The following NHSL2 variants were observed in gnomAD, a reference collection of about 807,000 sequenced individuals.
The protein encoded by NHSL2 is NHS like 2, also known as NHS-like protein 2.
In NHSL2, 27 loss-of-function variants were observed where a neutral mutation model predicts 53.4. The observed-to-expected ratio is 0.51, with a 90% confidence interval of 0.37 to 0.70. NHSL2 has a LOEUF of 0.70. NHSL2 is among the 30% of genes least tolerant of loss of function. NHSL2 has a pLI of 0.00. For synonymous variants in NHSL2, 408 were observed against 404.1 expected (o/e 1.01, Z -0.12); for missense variants, 892 against 980.1 (o/e 0.91, Z 1.20).
intron 1 of NHSL2, among the ~76,000 whole-genome samples, chrX:72,111,296 C>T (rs1392526025): frequency 8.9e-6 from 1 of 112,610 alleles, no homozygotes; most frequent in African/African-American, 3.2e-5. Flanking sequence ...AGACAGCTAA[C>T]TGGGCGGAGG....
intron 1 of NHSL2, among the ~76,000 whole-genome samples, chrX:72,055,345 G>A (rs1602335423): frequency 8.9e-6 from 1 of 112,204 alleles, no homozygotes; most frequent in Admixed American, 9.4e-5. Context: ...ATTACTTTGC[G>A]TGTTTGGAAG....
chrX:71,983,892 A>T (rs1397396983), intron 1 of NHSL2, among the ~76,000 whole-genome samples: 1 of 111,449 alleles, frequency 9.0e-6, no homozygotes, highest in East Asian at 2.8e-4. Flanking sequence ...CAGCTTCTTT[A>T]CTACAGCCTG....
intron 1 of NHSL2, among the ~76,000 whole-genome samples, chrX:72,125,446 C>G (rs2042215992): frequency 9.0e-6 from 1 of 111,237 alleles, no homozygotes; most frequent in Admixed American, 9.5e-5. Flanking sequence ...TGTGCTGGGC[C>G]CCAGGGACTC....
intron 1 of NHSL2, among the ~76,000 whole-genome samples, chrX:71,934,282 A>G (rs1005241352): frequency 1.8e-5 from 2 of 112,241 alleles, no homozygotes; most frequent in Non-Finnish European, 3.8e-5. Context: ...TACTTCACTC[A>G]GCCAGCTCCC....
At chrX:71,922,496 G>T (rs1344131643) in intron 1 of NHSL2, among the ~76,000 whole-genome samples, 1 of 112,159 alleles carries the variant, frequency 8.9e-6, no homozygotes, top group Non-Finnish European at 1.9e-5. Flanking sequence ...ACTGTACATC[G>T]AGGATGATAA....
At chrX:71,958,450 A>C (rs1939404498) in intron 1 of NHSL2, among the ~76,000 whole-genome samples, 2 of 111,961 alleles carry the variant, frequency 1.8e-5, no homozygotes, top group African/African-American at 6.5e-5. Context: ...AAGGCCATGC[A>C]GGGAACAATA....
intron 1 of NHSL2, among the ~76,000 whole-genome samples, chrX:72,125,632 C>A (rs751832640): frequency 5.1e-4 from 57 of 112,049 alleles, no homozygotes; most frequent in African/African-American, 1.8e-3. Context: ...TTTTTTTCCA[C>A]CTTCTCTGGC....
intron 1 of NHSL2, among the ~76,000 whole-genome samples, chrX:71,974,931 T>A (rs1291691109): frequency 8.9e-6 from 1 of 112,105 alleles, no homozygotes; most frequent in Non-Finnish European, 1.9e-5. Context: ...ATCCCCACCA[T>A]TTTATCAATG....
intron 1 of NHSL2, among the ~76,000 whole-genome samples, chrX:72,087,689 G>T (rs1027349368): frequency 9.0e-5 from 10 of 110,715 alleles, no homozygotes; most frequent in Non-Finnish European, 1.7e-4. Flanking sequence ...GGCCAACATG[G>T]TGAAACCCCA....
At chrX:72,005,528 G>C (rs2042090721) in intron 1 of NHSL2, among the ~76,000 whole-genome samples, 3 of 112,038 alleles carry the variant, frequency 2.7e-5, no homozygotes, top group Non-Finnish European at 5.6e-5. Flanking sequence ...TGAACAACCA[G>C]AGATGCCTCT....
rs1261317408 is a variant in NHSL2 at position 72,140,180 on chromosome X, G to T, written c.2632G>T (p.Ala878Ser). Reference protein sequence around the residue: ...KPPVAEKPPVARRPPSLVHKP... With the variant: ...KPPVAEKPPVSRRPPSLVHKP... ...TCCCGTAGCTGAGAAGCCTCCGGTG[G>T]CCCGGAGGCCTCCAAGCTTGGTCCA... is the stretch of plus-strand genomic sequence containing the variant. Residue 878 changes from alanine to serine, a missense_variant, in exon 6 of 8, where the codon GCC (alanine) becomes TCC (serine). Coordinates refer to ENST00000633930, the MANE Select transcript of NHSL2 (RefSeq NM_001013627.3). 1 of 1,209,009 alleles carries T rather than the reference G, an allele frequency of 8.3e-7. No individual in the cohort carries two copies. The highest frequency in any genetic ancestry group is 3.0e-5 in the East Asian group (1 of 33,803).
rs971790141 is a variant in NHSL2, at chrX:72,149,810, T to C, written c.*6236T>C. The stretch of plus-strand genomic sequence containing the variant: ...TGTTGTATTTATCTTATTTCTATAT[T>C]TATCTGCAGTCTTGGAATGTTAGAG... On this transcript the variant is annotated 3_prime_UTR_variant, in exon 8 of 8. Transcript: ENST00000633930. The C allele has an allele frequency of 2.7e-5, 3 of 112,358 alleles. No homozygotes were observed. The highest frequency in any genetic ancestry group is 1.9e-4 in the Admixed American group (2 of 10,583). 9.3% of individuals were successfully genotyped at this position (112,358 alleles called of 1,213,427 possible).
At chrX:72,074,704 A>G (rs1299704778) in intron 1 of NHSL2, among the ~76,000 whole-genome samples, 4 of 113,103 alleles carry the variant, frequency 3.5e-5, no homozygotes, top group Non-Finnish European at 7.5e-5. Context: ...ATGGTAGACC[A>G]TGAAAGCTAA....
At chrX:72,010,272 CG>C (rs2042110322) in intron 1 of NHSL2, among the ~76,000 whole-genome samples, 1 of 112,020 alleles carries the variant, frequency 8.9e-6, no homozygotes, top group Non-Finnish European at 1.9e-5. Flanking sequence ...TTGAGGCTCA[CG>C]GGCAGGGGAC....
chrX:71,961,797 T>C (rs1267544687), intron 1 of NHSL2, among the ~76,000 whole-genome samples: 1 of 111,410 alleles, frequency 9.0e-6, no homozygotes, highest in Non-Finnish European at 1.9e-5. Context: ...GCCTCCCGAG[T>C]AGCTGAGATT....
At chrX:71,981,130 A>G (rs1032200156) in intron 1 of NHSL2, among the ~76,000 whole-genome samples, 1 of 112,640 alleles carries the variant, frequency 8.9e-6, no homozygotes, top group East Asian at 2.8e-4. Context: ...TCTTAGATAT[A>G]ACACCAAAGG....
intron 1 of NHSL2, among the ~76,000 whole-genome samples, chrX:72,022,661 A>G (rs1306200884): frequency 8.9e-6 from 1 of 111,732 alleles, no homozygotes; most frequent in Non-Finnish European, 1.9e-5. Context: ...GTACCATCTC[A>G]CTGGGGAGTA....
chrX:72,143,926 G>A lies in NHSL2; in HGVS notation c.*352G>A, dbSNP rs1020952329. The A allele has an allele frequency of 1.4e-5, 2 of 145,885 alleles. No homozygotes were observed. Among genetic ancestry groups the A allele is most frequent in the African/African-American group, 6.3e-5 (2 of 31,574 alleles). 12.0% of individuals were successfully genotyped at this position (145,885 alleles called of 1,213,427 possible). ...CCCGGCTGCTCCATCCCTGGCTCCTGTCACTGAGGAGTGCAGTGTGAGAGC... is the reference window on the plus strand; with the variant it reads ...CCCGGCTGCTCCATCCCTGGCTCCTATCACTGAGGAGTGCAGTGTGAGAGC... On this transcript the variant is annotated 3_prime_UTR_variant, in exon 8 of 8. Coordinates refer to ENST00000633930, the MANE Select transcript of NHSL2 (RefSeq NM_001013627.3).
intron 1 of NHSL2, chrX:72,131,184 G>T (rs1027597241): frequency 2.5e-6 from 3 of 1,182,516 alleles, no homozygotes; most frequent in African/African-American, 3.6e-5. Flanking sequence ...GCAGAGGGGG[G>T]TCAGCGGGCC....
Sources: allele counts gnomAD v4.1 joint callset (sites outside exome capture counted in the v4.1 genomes callset), GRCh38; gene constraint gnomAD v4.1.1; transcripts MANE v1.5; gene names NCBI Gene and HGNC (gene_info 2026-07-23, HGNC 2026-07-21).